KIF16B: variants seen among roughly 807,000 people sequenced by gnomAD.
KIF16B encodes the protein kinesin-like protein KIF16B.
Under a neutral mutation model 156.3 loss-of-function variants are expected in KIF16B, and 98 were observed. The ratio of observed to expected loss-of-function variants is 0.63; its 90% CI spans 0.53 to 0.74. The LOEUF is 0.74. Among genes scored for constraint, KIF16B ranks in the 30% least tolerant of loss-of-function variants. KIF16B has a pLI of 0.00. For synonymous variants in KIF16B, 564 were observed against 583.7 expected (o/e 0.97, Z 0.49); for missense variants, 1,421 against 1,606.5 (o/e 0.88, Z 1.97).
chr20:16,447,256 C>A (rs951842647), intron 12 of KIF16B, among the ~76,000 whole-genome samples: 1 of 151,666 alleles, frequency 6.6e-6, no homozygotes, highest in Non-Finnish European at 1.5e-5. Context: ...AGCCAAGGAA[C>A]TAGACAATTG....
chr20:16,517,008 C>T (rs2069166434), intron 3 of KIF16B, among the ~76,000 whole-genome samples: 1 of 152,214 alleles, frequency 6.6e-6, no homozygotes. Flanking sequence ...TGGCCCACAT[C>T]AGTGCAGACA....
intron 1 of KIF16B, among the ~76,000 whole-genome samples, chr20:16,561,009 G>T (rs1464147097): frequency 6.6e-6 from 1 of 151,780 alleles, no homozygotes; most frequent in African/African-American, 2.4e-5. Context: ...TAATAGAGAG[G>T]CCGGGCGCAG....
intron 12 of KIF16B, among the ~76,000 whole-genome samples, chr20:16,469,911 T>C (rs1032357499): frequency 6.6e-6 from 1 of 151,976 alleles, no homozygotes; most frequent in African/African-American, 2.4e-5. Context: ...TGCCAAATCG[T>C]GGAAGCAACC....
At chr20:16,551,290 C>T (rs1168202020) in intron 1 of KIF16B, among the ~76,000 whole-genome samples, 1 of 152,158 alleles carries the variant, frequency 6.6e-6, no homozygotes, top group Non-Finnish European at 1.5e-5. Context: ...GCCACCATGC[C>T]CGGCTAGTTT....
intron 12 of KIF16B, among the ~76,000 whole-genome samples, chr20:16,461,386 A>T (rs2067341480): frequency 6.6e-6 from 1 of 152,164 alleles, no homozygotes; most frequent in African/African-American, 2.4e-5. Context: ...GGAAAAATAA[A>T]TCAACATGTA....
chr20:16,298,919 A>AAAAAAG (rs1555837615), intron 25 of KIF16B, among the ~76,000 whole-genome samples: 2 of 151,958 alleles, frequency 1.3e-5, no homozygotes, highest in Non-Finnish European at 2.9e-5. Flanking sequence ...AAAAAAAAAA[A>AAAAAAG]AGAGAGAAAA....
chr20:16,425,702 G>A lies in KIF16B; in HGVS notation c.1612+1402C>T, dbSNP rs896314538. 5.9e-5 allele frequency among the ~76,000 whole-genome samples: 9 copies of A among 152,216 alleles called. No homozygotes were observed. In the East Asian group the frequency reaches 7.7e-4, roughly 13 times the overall value. On this transcript the variant is annotated intron_variant, in intron 15 of 25. Transcript: ENST00000354981. ...GATCAAAGTGAACATCATCAGTCAC[G>A]GGACAAATGGAAATCGTGTAATGAG...
At chr20:16,554,674 A>G (rs1019728055) in intron 1 of KIF16B, among the ~76,000 whole-genome samples, 2 of 152,214 alleles carry the variant, frequency 1.3e-5, no homozygotes, top group Non-Finnish European at 2.9e-5. Context: ...CAAAAAGGAG[A>G]GAAGAGGGGA....
intron 15 of KIF16B, among the ~76,000 whole-genome samples, chr20:16,414,619 T>C (rs1367430691): frequency 6.6e-6 from 1 of 152,116 alleles, no homozygotes; most frequent in Non-Finnish European, 1.5e-5. Flanking sequence ...TCCAGCCAAA[T>C]TATCCATCAA....
intron 1 of KIF16B, among the ~76,000 whole-genome samples, chr20:16,535,442 C>A (rs1362377918): frequency 1.3e-5 from 2 of 152,126 alleles, no homozygotes; most frequent in Non-Finnish European, 2.9e-5. Flanking sequence ...CAAAGAAGGA[C>A]AATTTGACTT....
chr20:16,289,104 T>C (rs2063275312), intron 25 of KIF16B, among the ~76,000 whole-genome samples: 1 of 152,156 alleles, frequency 6.6e-6, no homozygotes, highest in African/African-American at 2.4e-5. Flanking sequence ...AACACTTACA[T>C]TAGCCTACAG....
intron 12 of KIF16B, among the ~76,000 whole-genome samples, chr20:16,457,465 A>T (rs2067240076): frequency 6.6e-6 from 1 of 152,204 alleles, no homozygotes; most frequent in South Asian, 2.1e-4. Flanking sequence ...ATGTCAACTC[A>T]GCCTTTCATT....
intron 12 of KIF16B, among the ~76,000 whole-genome samples, chr20:16,445,695 G>A (rs1048356506): frequency 2.0e-5 from 3 of 152,062 alleles, no homozygotes; most frequent in African/African-American, 4.8e-5. Flanking sequence ...CAGAACCAAC[G>A]AGGTGCTTAC....
At chr20:16,428,079 G>C (rs1386016969) in intron 14 of KIF16B, among the ~76,000 whole-genome samples, 1 of 152,142 alleles carries the variant, frequency 6.6e-6, no homozygotes, top group Non-Finnish European at 1.5e-5. Context: ...ATTAGAAGAA[G>C]AGGCCTGATG....
chr20:16,480,303 C>A (rs1421309840), intron 12 of KIF16B, among the ~76,000 whole-genome samples: 1 of 152,074 alleles, frequency 6.6e-6, no homozygotes, highest in African/African-American at 2.4e-5. Flanking sequence ...AAGACATGGG[C>A]CCTCTATACA....
intron 2 of KIF16B, among the ~76,000 whole-genome samples, chr20:16,527,295 G>T (rs1006642451): frequency 6.6e-6 from 1 of 152,208 alleles, no homozygotes; most frequent in Non-Finnish European, 1.5e-5. Flanking sequence ...CTTAATGGAG[G>T]AAATGAAATG....
At chr20:16,363,959 CAA>C (rs1311003757) in intron 22 of KIF16B, among the ~76,000 whole-genome samples, 2 of 152,082 alleles carry the variant, frequency 1.3e-5, no homozygotes, top group African/African-American at 4.8e-5. Context: ...ACTAAATTAA[CAA>C]AATGACCTCA....
rs370148803 is a variant in KIF16B, at chr20:16,293,107, C to G, written c.3795+19228G>C. On this transcript the variant is annotated intron_variant, in intron 25 of 25. Coordinates refer to ENST00000354981, the MANE Select transcript of KIF16B (RefSeq NM_024704.5). ...TGAACAAATGGAATTCCAGAAACAA[C>G]AGGAAAAACAACAACAACAAAACCT... Among the ~76,000 whole-genome samples, 36 of 152,200 alleles carry G rather than the reference C, an allele frequency of 2.4e-4. 1 individual carries two copies. The South Asian group carries it at 4.1e-3, about 18-fold the overall frequency.
chr20:16,332,267 C>T (rs2063960843), intron 24 of KIF16B, among the ~76,000 whole-genome samples: 1 of 152,116 alleles, frequency 6.6e-6, no homozygotes, highest in Non-Finnish European at 1.5e-5. Context: ...CTCTGTAAAA[C>T]AAGGAGGGTA....
Sources: allele counts gnomAD v4.1 joint callset (sites outside exome capture counted in the v4.1 genomes callset), GRCh38; gene constraint gnomAD v4.1.1; transcripts MANE v1.5; gene names NCBI Gene and HGNC (gene_info 2026-07-23, HGNC 2026-07-21).